The following SATB2 variants were observed in gnomAD, a reference collection of about 807,000 sequenced individuals.
The protein encoded by SATB2 is SATB homeobox 2.
Under a neutral mutation model 73.4 loss-of-function variants are expected in SATB2, and 1 was observed. That is an observed-to-expected ratio of 0.01 (90% CI 0.00 to 0.06). SATB2 has a LOEUF of 0.06. SATB2 is among the 10% of genes least tolerant of loss of function. SATB2 has a pLI of 1.00. For missense variants in SATB2, 459 were observed against 945.8 expected (o/e 0.49, Z 6.75); for synonymous variants, 397 against 367.0 (o/e 1.08, Z -0.93).
In SATB2 at chr2:199,269,825, A is replaced by G. The variant is rs994924279; in HGVS notation, c.*2386T>C. On this transcript the variant is annotated 3_prime_UTR_variant, in exon 11 of 11. Transcript: ENST00000417098. ...CATATATGCATTGTAATTCGCAAAGATCTGGCAAGACCACAGGCTAAAATG... is the reference window on the plus strand; with the variant it reads ...CATATATGCATTGTAATTCGCAAAGGTCTGGCAAGACCACAGGCTAAAATG... The G allele has an allele frequency of 1.8e-4, 28 of 152,760 alleles. No individual in the cohort carries two copies. Among genetic ancestry groups the G allele is most frequent in the Non-Finnish European group, 4.0e-4 (27 of 68,034 alleles). 9.5% of individuals were successfully genotyped at this position (152,760 alleles called of 1,614,324 possible). A position where few individuals can be genotyped will look rare whatever the true frequency, so the allele number is the denominator to read the frequency against.
intron 2 of SATB2, among the ~76,000 whole-genome samples, chr2:199,454,243 T>C (rs1042000297): frequency 6.6e-6 from 1 of 152,104 alleles, no homozygotes; most frequent in Non-Finnish European, 1.5e-5. Context: ...ACAGCTCCTT[T>C]CAATTTAGTG....
chr2:199,444,968 G>A (rs1281190250), intron 2 of SATB2, among the ~76,000 whole-genome samples: 2 of 152,212 alleles, frequency 1.3e-5, no homozygotes, highest in African/African-American at 4.8e-5. Context: ...AAAGGAAGAA[G>A]AGAGCTGCAT....
intron 4 of SATB2, among the ~76,000 whole-genome samples, chr2:199,381,193 TTTTG>T (rs138386740): frequency 0.92 from 138,945 of 151,504 alleles, 64,652 homozygotes; most frequent in East Asian, 1. Flanking sequence ...CAAAGTGTGT[TTTTG>T]TTTGTTTGTT....
At chr2:199,465,601 A>C (rs1453843483), upstream of SATB2, among the ~76,000 whole-genome samples, 4 of 152,238 alleles carry the variant, frequency 2.6e-5, no homozygotes, top group Non-Finnish European at 5.9e-5. Context: ...AAGACCTTTC[A>C]TGAACAATAA....
chr2:199,363,431 G>C (rs895044115), intron 6 of SATB2, among the ~76,000 whole-genome samples: 6 of 152,156 alleles, frequency 3.9e-5, no homozygotes, highest in Non-Finnish European at 8.8e-5. Context: ...CTTATATGTG[G>C]AATTTAAAAC....
At chr2:199,274,949 C>G (rs1692267104) in intron 10 of SATB2, among the ~76,000 whole-genome samples, 1 of 152,038 alleles carries the variant, frequency 6.6e-6, no homozygotes, top group Admixed American at 6.5e-5. Flanking sequence ...TCTATGTCAA[C>G]AGGTGAGGAT....
At chr2:199,411,681 T>G (rs1392225973) in intron 3 of SATB2, among the ~76,000 whole-genome samples, 2 of 152,140 alleles carry the variant, frequency 1.3e-5, no homozygotes, top group Non-Finnish European at 2.9e-5. Flanking sequence ...ACTATAATGG[T>G]TATAGTGCAG....
chr2:199,355,340 G>GTATCTATATA (rs1445800916), intron 6 of SATB2, among the ~76,000 whole-genome samples: 555 of 13,808 alleles, frequency 0.04, 33 homozygotes, highest in Middle Eastern at 0.1. Context: ...GTGTGTGTGT[G>GTATCTATATA]TGTGTATCTA....
At chr2:199,339,078 G>A (rs1216581454) in intron 7 of SATB2, among the ~76,000 whole-genome samples, 8 of 152,094 alleles carry the variant, frequency 5.3e-5, no homozygotes, top group African/African-American at 1.9e-4. Context: ...TGAGAGGAGA[G>A]TTGCATATGT....
chr2:199,357,095 G>A (rs1041014316), intron 6 of SATB2, among the ~76,000 whole-genome samples: 4 of 152,150 alleles, frequency 2.6e-5, no homozygotes, highest in Admixed American at 6.5e-5. Context: ...TCTGTATTCC[G>A]CTGCTTAAGA....
intron 7 of SATB2, among the ~76,000 whole-genome samples, chr2:199,338,723 C>T (rs983293476): frequency 6.6e-6 from 1 of 151,882 alleles, no homozygotes; most frequent in Non-Finnish European, 1.5e-5. Flanking sequence ...TCTAGACTAG[C>T]CTGGGCAACA....
chr2:199,388,502 A>G (rs1228889463), intron 3 of SATB2, among the ~76,000 whole-genome samples: 1 of 152,158 alleles, frequency 6.6e-6, no homozygotes, highest in African/African-American at 2.4e-5. Context: ...TAAAATAGAT[A>G]TATATTGGGT....
At chr2:199,343,119 C>T (rs1157720670) in intron 7 of SATB2, among the ~76,000 whole-genome samples, 1 of 80,564 alleles carries the variant, frequency 1.2e-5, no homozygotes, top group Non-Finnish European at 2.3e-5. Context: ...TTTATACACA[C>T]ACACACACAC....
At chr2:199,425,849 G>C (rs530255793) in intron 3 of SATB2, among the ~76,000 whole-genome samples, 4 of 152,258 alleles carry the variant, frequency 2.6e-5, no homozygotes, top group African/African-American at 9.6e-5. Flanking sequence ...AGTATTTCAG[G>C]TTTCACTGTG....
chr2:199,367,633 G>A (rs577023714), intron 6 of SATB2, among the ~76,000 whole-genome samples: 3 of 152,206 alleles, frequency 2.0e-5, no homozygotes, highest in South Asian at 4.2e-4. Flanking sequence ...TTGCCCCTCC[G>A]ATGGGGGCAG....
At position 199,456,690 on chromosome 2, in the gene SATB2, T is replaced by C. The variant is rs568001765; in HGVS notation, c.-59-594A>G. Among the ~76,000 whole-genome samples the C allele has an allele frequency of 4.6e-5, 7 of 152,222 alleles. No individual in the cohort carries two copies. The East Asian group carries it at 1.4e-3, about 29-fold the overall frequency. ...AACCCTAATTCCACATTAATAAGCA[T>C]CCGAAAACACTTGGAGGTATTTATC... is the stretch of plus-strand genomic sequence containing the variant. On this transcript the variant is annotated intron_variant, in intron 1 of 10. Coordinates refer to ENST00000417098, the MANE Select transcript of SATB2 (RefSeq NM_001172509.2).
intron 3 of SATB2, among the ~76,000 whole-genome samples, chr2:199,417,884 T>C (rs982329853): frequency 2.0e-5 from 3 of 152,182 alleles, no homozygotes; most frequent in Non-Finnish European, 4.4e-5. Flanking sequence ...TAGGATATTG[T>C]CAATTTAAAA....
rs1692093073 is a variant in SATB2, at chr2:199,269,631, C to T, written c.*2580G>A. 2 of 148,744 alleles carry T rather than the reference C, an allele frequency of 1.3e-5. No individual in the cohort carries two copies. 9.2% of individuals were successfully genotyped at this position (148,744 alleles called of 1,614,324 possible). A position where few individuals can be genotyped will look rare whatever the true frequency, so the allele number is the denominator to read the frequency against. The stretch of plus-strand genomic sequence containing the variant: ...ATTTACATGGAAAAAAGAACATTTA[C>T]AATATGTTAATCCTTATTCACATTG... On this transcript the variant is annotated 3_prime_UTR_variant, in exon 11 of 11. Transcript: ENST00000417098.
chr2:199,419,355 C>T (rs1311024429), intron 3 of SATB2, among the ~76,000 whole-genome samples: 1 of 152,164 alleles, frequency 6.6e-6, no homozygotes, highest in Non-Finnish European at 1.5e-5. Flanking sequence ...ATTAAACGCA[C>T]TAAGAGAGAG....
Sources: gnomAD v4.1 joint callset for allele counts (sites outside exome capture counted in the v4.1 genomes callset) on GRCh38, gnomAD v4.1.1 for gene constraint, MANE v1.5 for transcripts, NCBI Gene and HGNC (gene_info 2026-07-23, HGNC 2026-07-21) for gene names.